Variants in ENO4 observed in about 807,000 individuals in gnomAD.
ENO4 encodes the protein 2-phospho-D-glycerate hydro-lyase.
Under a neutral mutation model 63.2 loss-of-function variants are expected in ENO4, and 53 were observed. That is an observed-to-expected ratio of 0.84 (90% CI 0.67 to 1.05). The LOEUF (loss-of-function observed/expected upper bound fraction) is 1.05, where lower values mean the gene tolerates loss of function less well. ENO4 is among the 50% of genes least tolerant of loss of function. The pLI is 0.00. For missense variants in ENO4, 719 were observed against 772.0 expected (o/e 0.93, Z 0.81); for synonymous variants, 266 against 283.8 (o/e 0.94, Z 0.63).
At chr10:116,865,281 G>A (rs1020578009) in intron 7 of ENO4, among the ~76,000 whole-genome samples, 14 of 152,008 alleles carry the variant, frequency 9.2e-5, no homozygotes, top group African/African-American at 2.4e-4. Context: ...TCTGCTTTCC[G>A]GGTTCAAGCG....
At chr10:116,879,257 C>T (rs1846928945) in intron 11 of ENO4, 34 bp from the exon 12 acceptor site, 2 of 1,487,950 alleles carry the variant, frequency 1.3e-6, no homozygotes, top group Non-Finnish European at 1.8e-6. Context: ...TAACTTTCTA[C>T]ACCATATAAA....
intron 10 of ENO4, among the ~76,000 whole-genome samples, chr10:116,890,930 A>G (rs1190268092): frequency 6.6e-6 from 1 of 152,244 alleles, no homozygotes; most frequent in East Asian, 1.9e-4. Context: ...TTTGCATTCA[A>G]TGAAATTCCT....
At chr10:116,855,119 C>T (rs755297788) in intron 1 of ENO4, among the ~76,000 whole-genome samples, 1 of 151,734 alleles carries the variant, frequency 6.6e-6, no homozygotes, top group East Asian at 1.9e-4. Context: ...ATGGTGAAAC[C>T]CCATCTCTAC....
intron 2 of ENO4, among the ~76,000 whole-genome samples, chr10:116,855,985 T>C (rs1172046035): frequency 6.6e-6 from 1 of 152,168 alleles, no homozygotes; most frequent in Non-Finnish European, 1.5e-5. Flanking sequence ...ACATGGATAA[T>C]GGAAATGAGG....
chr10:116,881,626 A>G lies in ENO4; in HGVS notation c.1835A>G (p.Gln612Arg). Residue 612 changes from glutamine to arginine, a missense_variant, in exon 14 of 14, where the codon CAA (glutamine) becomes CGA (arginine). Coordinates refer to ENST00000341276, the MANE Select transcript of ENO4 (RefSeq NM_001242699.2). ...REPLVPTFPTQGVEESAETGA... is the reference protein window; with the variant it reads ...REPLVPTFPTRGVEESAETGA... ...CCGCTGGTGCCCACCTTCCCCACACAAGGTGTAGAGGAATCAGCCGAAACA... is the reference window on the plus strand; with the variant it reads ...CCGCTGGTGCCCACCTTCCCCACACGAGGTGTAGAGGAATCAGCCGAAACA... The G allele has an allele frequency of 6.5e-7, 1 of 1,550,300 alleles. No individual in the cohort carries two copies. Among genetic ancestry groups the G allele is most frequent in the Non-Finnish European group, 8.7e-7 (1 of 1,146,874 alleles).
chr10:116,858,940 G>A (rs1846339872), intron 3 of ENO4, 50 bp from the exon 4 acceptor site: 1 of 1,284,776 alleles, frequency 7.8e-7, no homozygotes, highest in East Asian at 2.5e-5. Context: ...AAATCACAGA[G>A]TGATATTCCT....
rs779722320 is a variant in ENO4, at chr10:116,911,567, G to A, written c.1264G>A (p.Val422Met). The A allele has an allele frequency of 1.7e-5, 27 of 1,550,766 alleles. No homozygotes were observed. In the South Asian group the frequency reaches 3.1e-4, roughly 18 times the overall value. Reference sequence around the variant, plus strand: ...ACAGGAAACAATGACTTTGGTGAAAGTGTAACCACTCTTTTAGAACAAAAA... The same window carrying A: ...ACAGGAAACAATGACTTTGGTGAAAATGTAACCACTCTTTTAGAACAAAAA... Residue 422 changes from valine (V) to methionine (M), a missense_variant, in exon 11 of 11, where the codon GTG (valine) becomes ATG (methionine). Val to Met is a conservative substitution (Grantham distance 21). Transcript: ENST00000369207.
downstream of ENO4, chr10:116,886,441 TC>T (rs1564858334): frequency 1.2e-6 from 2 of 1,612,214 alleles, no homozygotes; most frequent in Admixed American, 3.4e-5. Context: ...TTGAGTTGGA[TC>T]TTTTTCAGCA....
Position 116,876,070 on chromosome 10 carries a change from T to C in ENO4, c.1347T>C (p.Ser449=). ...ALIDPFRKED[S]EQWDSIYHAL... Reference sequence around the variant, plus strand: ...ACTCTTAAATATTTACCCAGGACTCTGAACAGTGGGACAGCATCTATCACG... The same window carrying C: ...ACTCTTAAATATTTACCCAGGACTCCGAACAGTGGGACAGCATCTATCACG... The change falls in exon 11 of 14, where the codon TCT becomes TCC. Residue 449 remains serine (S), a synonymous_variant. Coordinates refer to ENST00000341276, the MANE Select transcript of ENO4 (RefSeq NM_001242699.2). The C allele has an allele frequency of 1.3e-6, 2 of 1,539,518 alleles. No individual in the cohort carries two copies. The highest frequency in any genetic ancestry group is 1.7e-6 in the Non-Finnish European group (2 of 1,142,970).
intron 13 of ENO4, 157 bp from the exon 14 acceptor site, chr10:116,881,358 C>T (rs1360115442): frequency 7.0e-6 from 4 of 573,430 alleles, no homozygotes; most frequent in African/African-American, 3.8e-5. Flanking sequence ...TAACATATAA[C>T]CAAAGATACG....
At chr10:116,899,876 ATAACCCTTC>A (rs1847670374) in intron 10 of ENO4, among the ~76,000 whole-genome samples, 1 of 152,240 alleles carries the variant, frequency 6.6e-6, no homozygotes, top group Non-Finnish European at 1.5e-5. Context: ...AGCACTGAAA[ATAACCCTTC>A]TCATTCCTGG....
At chr10:116,873,954 T>C (rs2133274623) in intron 9 of ENO4, 122 bp from the exon 10 acceptor site, 1 of 1,332,842 alleles carries the variant, frequency 7.5e-7, no homozygotes, top group South Asian at 2.0e-5. Context: ...CAACGTGCCC[T>C]GAAAAGAACC....
intron 10 of ENO4, among the ~76,000 whole-genome samples, chr10:116,907,163 G>A (rs896857835): frequency 2.6e-5 from 4 of 152,242 alleles, no homozygotes; most frequent in African/African-American, 7.2e-5. Context: ...AAGTCACAGC[G>A]GCACTGAAAA....
At chr10:116,871,047 A>T (rs1302860876) in intron 8 of ENO4, 78 bp from the exon 9 acceptor site, 2 of 1,294,538 alleles carry the variant, frequency 1.5e-6, no homozygotes, top group Admixed American at 4.1e-5. Flanking sequence ...ATCTGATCAT[A>T]AACCATGCTT....
chr10:116,898,762 C>CA (rs986571365), intron 10 of ENO4, among the ~76,000 whole-genome samples: 8 of 151,106 alleles, frequency 5.3e-5, no homozygotes, highest in African/African-American at 7.3e-5. Context: ...AACAAACAAA[C>CA]AAAAAAAACA....
intron 8 of ENO4, among the ~76,000 whole-genome samples, chr10:116,869,781 A>C (rs904438403): frequency 3.0e-4 from 46 of 152,154 alleles, no homozygotes; most frequent in African/African-American, 1.1e-3. Context: ...TCTTTTTCCC[A>C]TTAGAAACAG....
intron 7 of ENO4, among the ~76,000 whole-genome samples, chr10:116,864,632 C>G (rs1438883281): frequency 6.6e-6 from 1 of 152,180 alleles, no homozygotes; most frequent in Non-Finnish European, 1.5e-5. Context: ...CCCACAACCA[C>G]CTCCTACAGA....
At chr10:116,866,488 T>C (rs1304531848) in intron 7 of ENO4, among the ~76,000 whole-genome samples, 1 of 152,214 alleles carries the variant, frequency 6.6e-6, no homozygotes, top group Non-Finnish European at 1.5e-5. Flanking sequence ...GCCTCTTACA[T>C]ATCCTGTCAA....
chr10:116,860,998 T>C (rs776307801), intron 5 of ENO4, 35 bp downstream of exon 5: 2 of 1,526,256 alleles, frequency 1.3e-6, no homozygotes, highest in African/African-American at 2.8e-5. Flanking sequence ...AAAGGAGCCA[T>C]GAGTATCTCA....
Sources: allele counts gnomAD v4.1 joint callset (sites outside exome capture counted in the v4.1 genomes callset), GRCh38; gene constraint gnomAD v4.1.1; transcripts MANE v1.5; gene names NCBI Gene and HGNC (gene_info 2026-07-23, HGNC 2026-07-21).